RDX: variants seen among roughly 807,000 people sequenced by gnomAD.
RDX encodes the protein radixin, also known as deafness, autosomal recessive 24.
In RDX, 32 loss-of-function variants were observed where a neutral mutation model predicts 83.7. The ratio of observed to expected loss-of-function variants is 0.38; its 90% CI spans 0.29 to 0.51. The LOEUF is 0.51. Among genes scored for constraint, RDX ranks in the 20% least tolerant of loss-of-function variants. The pLI is 0.87. For synonymous variants in RDX, 229 were observed against 222.7 expected (o/e 1.03, Z -0.25); for missense variants, 600 against 689.9 (o/e 0.87, Z 1.46).
At chr11:110,280,060 G>C (rs1053761533) in intron 1 of RDX, among the ~76,000 whole-genome samples, 2 of 152,162 alleles carry the variant, frequency 1.3e-5, no homozygotes, top group South Asian at 2.1e-4. Flanking sequence ...CCAAAAGCTT[G>C]CTCTCTGAGT....
chr11:110,196,146 A>G (rs1863203516), intron 15 of RDX: 1 of 152,244 alleles, frequency 6.6e-6, no homozygotes, highest in African/African-American at 2.4e-5. Flanking sequence ...AAAGCTTCCC[A>G]TAAGTCAGTA....
chr11:110,221,601 AACACACAC>A (rs60766252), intron 14 of RDX, among the ~76,000 whole-genome samples: 219 of 133,592 alleles, frequency 1.6e-3, no homozygotes, highest in African/African-American at 4.5e-3. Context: ...CTGTCTCCAA[AACACACAC>A]ACACACACAC....
At chr11:110,281,114 G>A (rs1011115740) in intron 1 of RDX, among the ~76,000 whole-genome samples, 11 of 151,734 alleles carry the variant, frequency 7.2e-5, no homozygotes, top group South Asian at 2.1e-4. Context: ...GCAGTGAGCC[G>A]ACATGGTCCC....
At chr11:110,285,788 C>G (rs1425958204) in intron 1 of RDX, among the ~76,000 whole-genome samples, 1 of 149,820 alleles carries the variant, frequency 6.7e-6, no homozygotes, top group Non-Finnish European at 1.5e-5. Flanking sequence ...AAACTGGCAT[C>G]TATTAGTAGC....
At chr11:110,179,560 G>A (rs1253101075) in intron 15 of RDX, among the ~76,000 whole-genome samples, 1 of 152,126 alleles carries the variant, frequency 6.6e-6, no homozygotes, top group African/African-American at 2.4e-5. Context: ...ATCACCTGAG[G>A]TTGGAAGTTT....
intron 2 of RDX, among the ~76,000 whole-genome samples, chr11:110,276,548 C>G (rs1321239127): frequency 6.6e-6 from 1 of 152,096 alleles, no homozygotes; most frequent in Non-Finnish European, 1.5e-5. Context: ...ATTGGAACAA[C>G]ACGAAATTAT....
In RDX at chr11:110,231,744, C is replaced by G; in HGVS notation, c.*125G>C. ...AGCTCCCCTTAAATTTGTCTTTTAG[C>G]TAGCACAGTCAAACTGGTGTAAGTG... On this transcript the variant is annotated 3_prime_UTR_variant, in exon 14 of 14. Transcript: ENST00000645495. 1 of 1,030,212 alleles carries G rather than the reference C, an allele frequency of 9.7e-7. No homozygotes were observed. Among genetic ancestry groups the G allele is most frequent in the Non-Finnish European group, 1.5e-6 (1 of 660,528 alleles). 63.8% of individuals were successfully genotyped at this position (1,030,212 alleles called of 1,614,324 possible). A position where few individuals can be genotyped will look rare whatever the true frequency, so the allele number is the denominator to read the frequency against.
chr11:110,211,871 A>G (rs1863851483), intron 14 of RDX, among the ~76,000 whole-genome samples: 1 of 151,406 alleles, frequency 6.6e-6, no homozygotes, highest in South Asian at 2.1e-4. Flanking sequence ...AAATGCCCAC[A>G]AGAGAAAGCA....
At chr11:110,200,849 T>C (rs1863374698) in intron 14 of RDX, among the ~76,000 whole-genome samples, 1 of 152,224 alleles carries the variant, frequency 6.6e-6, no homozygotes, top group South Asian at 2.1e-4. Context: ...AAGGGAATTC[T>C]AACTATTTTC....
intron 15 of RDX, among the ~76,000 whole-genome samples, chr11:110,175,681 G>T (rs1299674312): frequency 1.3e-5 from 2 of 152,186 alleles, no homozygotes; most frequent in African/African-American, 4.8e-5. Flanking sequence ...TCTCCCCACT[G>T]CTCTCCACTT....
At chr11:110,188,955 T>C (rs1378698559) in intron 15 of RDX, among the ~76,000 whole-genome samples, 1 of 151,872 alleles carries the variant, frequency 6.6e-6, no homozygotes, top group Admixed American at 6.6e-5. Flanking sequence ...AACTACAAAA[T>C]AGCTAGCTAA....
At chr11:110,254,920 A>C (rs1490356130) in intron 8 of RDX, among the ~76,000 whole-genome samples, 1 of 152,208 alleles carries the variant, frequency 6.6e-6, no homozygotes, top group African/African-American at 2.4e-5. Flanking sequence ...CAAAGTTCAT[A>C]AAGCAAAACT....
intron 10 of RDX, among the ~76,000 whole-genome samples, chr11:110,242,174 C>T (rs564002256): frequency 1.4e-4 from 22 of 152,018 alleles, no homozygotes; most frequent in South Asian, 4.1e-4. Flanking sequence ...AAAAACTGGC[C>T]GGGCACGGTG....
chr11:110,233,342 A>G lies in RDX; in HGVS notation c.1482T>C (p.Ala494=), dbSNP rs368084520. The change falls in exon 13 of 14, where the codon GCT becomes GCC. Residue 494 remains alanine (A), a synonymous_variant. Coordinates refer to ENST00000645495, the MANE Select transcript of RDX (RefSeq NM_002906.4). The part of the protein sequence containing the change: ...NEHDEHDENN[A]EASAELSNEG... ...CATTTGATAATTCAGCACTAGCTTC[A>G]GCATTATTCTCATCGTGTTCATCAT... 1.9e-6 allele frequency: 3 copies of G among 1,614,150 alleles called. No individual in the cohort carries two copies. The highest frequency in any genetic ancestry group is 2.5e-6 in the Non-Finnish European group (3 of 1,180,038).
At chr11:110,243,961 G>GT (rs1565311473) in intron 10 of RDX, among the ~76,000 whole-genome samples, 1 of 152,056 alleles carries the variant, frequency 6.6e-6, no homozygotes, top group African/African-American at 2.4e-5. Flanking sequence ...TCCTCAAAAA[G>GT]TTAAATACAG....
intron 14 of RDX, among the ~76,000 whole-genome samples, chr11:110,212,851 T>G (rs1456753448): frequency 6.9e-6 from 1 of 143,956 alleles, no homozygotes; most frequent in Non-Finnish European, 1.5e-5. Context: ...TAATAAGAGC[T>G]ATCTATGACA....
intron 1 of RDX, among the ~76,000 whole-genome samples, chr11:110,295,892 G>GA (rs1861435673): frequency 6.6e-6 from 1 of 152,128 alleles, no homozygotes; most frequent in Non-Finnish European, 1.5e-5. Context: ...GGAGCGACTG[G>GA]CGCCCCAAAG....
At chr11:110,278,939 G>C in intron 2 of RDX, among the ~76,000 whole-genome samples, 1 of 149,486 alleles carries the variant, frequency 6.7e-6, no homozygotes, top group Non-Finnish European at 1.5e-5. Context: ...TAGTCAAGAA[G>C]AACCAAATAA....
At chr11:110,195,594 T>C (rs1274304799) in intron 15 of RDX, 1 of 152,206 alleles carries the variant, frequency 6.6e-6, no homozygotes, top group Non-Finnish European at 1.5e-5. Context: ...TACATTTATA[T>C]ACAATTATAC....
Sources: gnomAD v4.1 joint callset for allele counts (sites outside exome capture counted in the v4.1 genomes callset) on GRCh38, gnomAD v4.1.1 for gene constraint, MANE v1.5 for transcripts, NCBI Gene and HGNC (gene_info 2026-07-23, HGNC 2026-07-21) for gene names.